DBF4: variants seen among roughly 807,000 people sequenced by gnomAD.
The protein encoded by DBF4 is protein DBF4 homolog A.
In DBF4, 25 loss-of-function variants were observed where a neutral mutation model predicts 76.6. The observed-to-expected ratio is 0.33, with a 90% CI of 0.24 to 0.46. The LOEUF (loss-of-function observed/expected upper bound fraction) is 0.46, where lower values mean the gene tolerates loss of function less well. Among genes scored for constraint, DBF4 ranks in the 20% least tolerant of loss-of-function variants. The pLI is 1.00. For missense variants in DBF4, 638 were observed against 760.8 expected, an observed-to-expected ratio of 0.84 and a Z score of 1.90; for synonymous variants, 213 against 258.0, an observed-to-expected ratio of 0.83 and a Z score of 1.67.
At chr7:87,882,024 AATTAT>A (rs1411188990) in intron 2 of DBF4, among the ~76,000 whole-genome samples, 1 of 152,226 alleles carries the variant, frequency 6.6e-6, no homozygotes, top group Non-Finnish European at 1.5e-5. Flanking sequence ...CAGCAAACAA[AATTAT>A]ATTAGGGCTA....
At chr7:87,886,724 C>T in intron 3 of DBF4, 120 bp from the exon 4 acceptor site, 4 of 650,738 alleles carry the variant, frequency 6.1e-6, no homozygotes, top group Non-Finnish European at 5.4e-6. Flanking sequence ...AAAGAGGTCA[C>T]CCAAAAAAGA....
At position 87,902,893 on chromosome 7, in the gene DBF4, A is replaced by G. The variant is rs183826548; in HGVS notation, c.925-1399A>G. Among the ~76,000 whole-genome samples the G allele has an allele frequency of 3.3e-3, 506 of 152,332 alleles. 2 individuals carry two copies. Among genetic ancestry groups the G allele is most frequent in the Admixed American group, 8.9e-3 (136 of 15,292 alleles). ...TAAAATTGCATGAAACTAGGGAAAT[A>G]GAAATTAGGTTCTTTAATGGTCATC... On this transcript the variant is annotated intron_variant, in intron 10 of 11. Coordinates refer to ENST00000265728, the MANE Select transcript of DBF4 (RefSeq NM_006716.4).
chr7:87,886,893 A>G lies in DBF4; in HGVS notation c.449A>G (p.His150Arg), dbSNP rs1291496742. 2 of 1,547,998 alleles carry G rather than the reference A, an allele frequency of 1.3e-6. No homozygotes were observed. Among genetic ancestry groups the G allele is most frequent in the Non-Finnish European group, 1.8e-6 (2 of 1,130,910 alleles). Residue 150 changes from histidine (H) to arginine (R), a missense_variant and splice_region_variant, in exon 4 of 12, where the codon CAT (histidine) becomes CGT (arginine). Transcript: ENST00000265728. ...KLLVEKAIKD[H>R]DFIPSNSILS... is the part of the protein sequence containing the mutation. ...TTAGTTGAAAAAGCTATCAAGGACC[A>G]TGTAAGTAGGAACTATAAAGATTCA...
At chr7:87,896,186 A>G (rs1839634000) in intron 6 of DBF4, 2 of 301,730 alleles carry the variant, frequency 6.6e-6, no homozygotes, top group Non-Finnish European at 1.2e-5. Context: ...ATTTTGCTGA[A>G]TAAGGGCATA....
rs184614316 is a variant in DBF4, at chr7:87,885,963, T to A, written c.399+805T>A. Among the ~76,000 whole-genome samples, 418 of 152,262 alleles carry A rather than the reference T, an allele frequency of 2.7e-3. 2 individuals carry two copies. The highest frequency in any genetic ancestry group is 4.8e-3 in the Non-Finnish European group (326 of 68,024). ...TTCAGTTTTTAGGTTGAAGTGTAAT[T>A]AAGTTATTATTTTACAATATTCTCC... is the stretch of plus-strand genomic sequence containing the variant. On this transcript the variant is annotated intron_variant, in intron 3 of 11. Coordinates refer to ENST00000265728, the MANE Select transcript of DBF4 (RefSeq NM_006716.4).
intron 6 of DBF4, among the ~76,000 whole-genome samples, chr7:87,892,237 C>T (rs1197507452): frequency 6.6e-6 from 1 of 152,200 alleles, no homozygotes; most frequent in Non-Finnish European, 1.5e-5. Context: ...TAAAAATCTT[C>T]CGTGTTTATC....
At position 87,896,457 on chromosome 7, in the gene DBF4, T is replaced by A; in HGVS notation, c.598-17T>A. 2 of 1,607,612 alleles carry A rather than the reference T, an allele frequency of 1.2e-6. No homozygotes were observed. Among genetic ancestry groups the A allele is most frequent in the Non-Finnish European group, 1.7e-6 (2 of 1,176,084 alleles). ...GTACTTTCAAAGCCAATCTTTTCAC[T>A]ATATATTTTTTTTTAGGGCAAAAGA... On this transcript the variant is annotated splice_polypyrimidine_tract_variant and intron_variant, in intron 6 of 11. Coordinates refer to ENST00000265728, the MANE Select transcript of DBF4 (RefSeq NM_006716.4).
Position 87,879,385 on chromosome 7 carries a change from A to G in DBF4, c.219+1160A>G, listed in dbSNP as rs377625458. 1.2e-3 allele frequency among the ~76,000 whole-genome samples: 183 copies of G among 152,348 alleles called. 5 individuals are homozygous for G. The South Asian group carries it at 0.037, about 31-fold the overall frequency. ...CATTTTGTTAAACTAAAACACTGTC[A>G]CATGCTTGTAATAGTTGTATTTATG... is the stretch of plus-strand genomic sequence containing the variant. On this transcript the variant is annotated intron_variant, in intron 2 of 11. Coordinates refer to ENST00000265728, the MANE Select transcript of DBF4 (RefSeq NM_006716.4).
chr7:87,878,639 G>A (rs74375547), intron 2 of DBF4: 2 of 156,010 alleles, frequency 1.3e-5, no homozygotes, highest in African/African-American at 4.8e-5. Context: ...TTGTTCCTGA[G>A]TGATACAGAT....
In DBF4 at chr7:87,876,566, C is replaced by G. The variant is rs79407572; in HGVS notation, c.-167C>G. 0.03 allele frequency: 21,006 copies of G among 691,118 alleles called. 375 individuals carry two copies. Among genetic ancestry groups the G allele is most frequent in the Middle Eastern group, 0.044 (110 of 2,484 alleles). 42.8% of individuals were successfully genotyped at this position (691,118 alleles called of 1,614,324 possible). On this transcript the variant is annotated 5_prime_UTR_variant, in exon 1 of 12. Transcript: ENST00000265728. ...CTCCGCGCCTTGGAGCCGGATCCGG[C>G]CCCGGAAACCCGACCTGCAGACGCG...
chr7:87,909,251 CTG>C lies in DBF4; in HGVS notation c.*1091_*1092del, dbSNP rs1274831574. On this transcript the variant is annotated 3_prime_UTR_variant, in exon 12 of 12. Coordinates refer to ENST00000265728, the MANE Select transcript of DBF4 (RefSeq NM_006716.4). ...AAATATAAGAAATTTCAATTTGAAT[CTG>C]TGGATATAAGGCATTTGCCTTTGAG... 2.0e-5 allele frequency: 3 copies of C among 152,270 alleles called. No homozygotes were observed. Among genetic ancestry groups the C allele is most frequent in the South Asian group, 4.1e-4 (2 of 4,826 alleles). The allele number at this position is 152,270 out of a possible 1,614,324, so 9.4% of individuals were successfully genotyped here.
At chr7:87,901,639 A>C (rs1397758576) in intron 10 of DBF4, among the ~76,000 whole-genome samples, 1 of 152,208 alleles carries the variant, frequency 6.6e-6, no homozygotes, top group Admixed American at 6.5e-5. Context: ...GAGAGTTGCA[A>C]AGGGTATATA....
intron 2 of DBF4, among the ~76,000 whole-genome samples, chr7:87,880,403 C>CA: frequency 6.6e-6 from 1 of 152,068 alleles, no homozygotes; most frequent in Non-Finnish European, 1.5e-5. Context: ...TTGGATTTCC[C>CA]AAAAATCCAA....
At chr7:87,907,117 A>G in intron 11 of DBF4, 71 bp from the exon 12 acceptor site, 1 of 1,334,370 alleles carries the variant, frequency 7.5e-7, no homozygotes, top group South Asian at 1.7e-5. Context: ...TACTAATTTA[A>G]TTTCTAACTA....
intron 6 of DBF4, chr7:87,888,274 C>T (rs1436129428): frequency 8.1e-6 from 8 of 984,638 alleles, no homozygotes; most frequent in Non-Finnish European, 9.6e-6. Context: ...GTCGCTTCCT[C>T]AGCCCCCTTT....
At chr7:87,897,363 A>G (rs749002463) in intron 8 of DBF4, 24 bp downstream of exon 8, 20 of 1,608,222 alleles carry the variant, frequency 1.2e-5, no homozygotes, top group East Asian at 2.2e-5. Context: ...TCCAATCTGT[A>G]TGATTTAAGT....
chr7:87,879,148 C>A (rs779409567), intron 2 of DBF4, among the ~76,000 whole-genome samples: 1 of 152,078 alleles, frequency 6.6e-6, no homozygotes, highest in Non-Finnish European at 1.5e-5. Flanking sequence ...AGGGTTTCAC[C>A]GTGTTGCCCA....
In DBF4 at chr7:87,894,026, T is replaced by C. The variant is rs77180017; in HGVS notation, c.598-2448T>C. Among the ~76,000 whole-genome samples, 354 of 152,386 alleles carry C rather than the reference T, an allele frequency of 2.3e-3. 1 individual carries two copies. The highest frequency in any genetic ancestry group is 4.1e-3 in the Non-Finnish European group (280 of 68,038). On this transcript the variant is annotated intron_variant, in intron 6 of 11. Transcript: ENST00000265728. ...ATCTATCTTGAATTAATATTTACCT[T>C]CTTCAAATAAAATGTAGAAGCCTTA...
chr7:87,907,654 CAG>C lies in DBF4; in HGVS notation c.1518_1519del (p.Lys507ValfsTer23). 1.2e-6 allele frequency: 2 copies of C among 1,614,016 alleles called. No homozygotes were observed. The highest frequency in any genetic ancestry group is 1.7e-6 in the Non-Finnish European group (2 of 1,179,948). On this transcript the variant is annotated frameshift_variant, in exon 12 of 12. Coordinates refer to ENST00000265728, the MANE Select transcript of DBF4 (RefSeq NM_006716.4). LOFTEE classifies it high-confidence loss of function. ...STDNSGSQPK[Q>X]KSDTVLFPAK... ...AGATAATAGTGGATCTCAACCAAAACAGAAGTCAGATACTGTGCTTTTTCCAG... is the reference window on the plus strand; with the variant it reads ...AGATAATAGTGGATCTCAACCAAAACAAGTCAGATACTGTGCTTTTTCCAG...
Sources: allele counts gnomAD v4.1 joint callset (sites outside exome capture counted in the v4.1 genomes callset), GRCh38; gene constraint gnomAD v4.1.1; transcripts MANE v1.5; gene names NCBI Gene and HGNC (gene_info 2026-07-23, HGNC 2026-07-21).